The following ITFG1 variants were observed in gnomAD, a reference collection of about 807,000 sequenced individuals.
ITFG1 encodes integrin alpha FG-GAP repeat containing 1.
ITFG1 carries 34 observed loss-of-function variants against 81.8 expected under a neutral mutation model. The ratio of observed to expected loss-of-function variants is 0.42; its 90% CI spans 0.32 to 0.55. The LOEUF is 0.55. Among genes scored for constraint, ITFG1 ranks in the 20% least tolerant of loss-of-function variants. The pLI is 0.17. For synonymous variants in ITFG1, 285 were observed against 270.6 expected (o/e 1.05, Z -0.52); for missense variants, 672 against 755.4 (o/e 0.89, Z 1.29).
chr16:47,452,389 T>C (rs1385529550), intron 4 of ITFG1, among the ~76,000 whole-genome samples: 1 of 152,194 alleles, frequency 6.6e-6, no homozygotes, highest in Non-Finnish European at 1.5e-5. Flanking sequence ...CTCCTTAATA[T>C]AGGAATCTTT....
chr16:47,294,645 ATTTG>A (rs1966956225), intron 10 of ITFG1, among the ~76,000 whole-genome samples: 1 of 151,796 alleles, frequency 6.6e-6, no homozygotes, highest in African/African-American at 2.4e-5. Context: ...TGCCTTCTTG[ATTTG>A]TTTTTCAGCT....
At chr16:47,347,458 G>A (rs1199401615) in intron 8 of ITFG1, among the ~76,000 whole-genome samples, 2 of 152,262 alleles carry the variant, frequency 1.3e-5, no homozygotes, top group Admixed American at 6.5e-5. Flanking sequence ...TAGCGCAGCA[G>A]TCTGAGATCG....
At chr16:47,325,270 A>C (rs1047625538) in intron 8 of ITFG1, among the ~76,000 whole-genome samples, 1 of 152,246 alleles carries the variant, frequency 6.6e-6, no homozygotes, top group Non-Finnish European at 1.5e-5. Context: ...TGTTCTTTGA[A>C]ACCAATGAGA....
intron 10 of ITFG1, among the ~76,000 whole-genome samples, chr16:47,269,504 C>A (rs1326529971): frequency 3.7e-4 from 42 of 114,742 alleles, no homozygotes; most frequent in African/African-American, 5.1e-4. Flanking sequence ...AAAAAAAAAA[C>A]TTGAAAAAAA....
At chr16:47,309,315 G>A (rs966172217) in intron 10 of ITFG1, among the ~76,000 whole-genome samples, 5 of 151,776 alleles carry the variant, frequency 3.3e-5, no homozygotes, top group Non-Finnish European at 5.9e-5. Context: ...CATGATCCGC[G>A]TGCCTCGGCC....
At chr16:47,168,566 T>C (rs77151380) in intron 14 of ITFG1, among the ~76,000 whole-genome samples, 1 of 149,984 alleles carries the variant, frequency 6.7e-6, no homozygotes, top group African/African-American at 2.4e-5. Flanking sequence ...TTTTTTTTTT[T>C]TTCTAGAGAC....
At position 47,340,056 on chromosome 16, in the gene ITFG1, ATTTAAAACAC is replaced by A. The variant is rs531280893; in HGVS notation, c.802+25722_802+25731del. Among the ~76,000 whole-genome samples, 52 of 152,334 alleles carry A rather than the reference ATTTAAAACAC, an allele frequency of 3.4e-4. 1 individual carries two copies. Among genetic ancestry groups the A allele is most frequent in the African/African-American group, 1.2e-3 (49 of 41,592 alleles). On this transcript the variant is annotated intron_variant, in intron 8 of 17. Coordinates refer to ENST00000320640, the MANE Select transcript of ITFG1 (RefSeq NM_030790.5). ...AGGCCAGCAGGCAGTGGGATGATGT[ATTTAAAACAC>A]TCAAAGAAAAACAGTAAACCCAAAA...
intron 6 of ITFG1, among the ~76,000 whole-genome samples, chr16:47,382,884 T>C (rs1298388261): frequency 5.3e-5 from 8 of 152,200 alleles, no homozygotes; most frequent in Non-Finnish European, 1.2e-4. Context: ...ACTTTTATCA[T>C]AGGAATTTAT....
At chr16:47,164,759 G>T (rs1479336512) in intron 14 of ITFG1, among the ~76,000 whole-genome samples, 1 of 152,242 alleles carries the variant, frequency 6.6e-6, no homozygotes, top group Non-Finnish European at 1.5e-5. Flanking sequence ...CCAGGGAGCT[G>T]CTAGTTCAGA....
chr16:47,391,549 G>GT (rs1968531625), intron 6 of ITFG1, among the ~76,000 whole-genome samples: 1 of 152,098 alleles, frequency 6.6e-6, no homozygotes, highest in South Asian at 2.1e-4. Context: ...TCTCTGAGAC[G>GT]TTTTAAATTT....
At chr16:47,271,788 G>A (rs1201271414) in intron 10 of ITFG1, among the ~76,000 whole-genome samples, 2 of 152,162 alleles carry the variant, frequency 1.3e-5, no homozygotes, top group Non-Finnish European at 2.9e-5. Flanking sequence ...GAACCCGGGA[G>A]GCAGAGCTTG....
At chr16:47,293,571 T>C (rs117301691) in intron 10 of ITFG1, among the ~76,000 whole-genome samples, 3,664 of 152,208 alleles carry the variant, frequency 0.024, 61 homozygotes, top group Non-Finnish European at 0.04. Flanking sequence ...TGATGTCTCA[T>C]TGTGGTTTAG....
At position 47,452,794 on chromosome 16, in the gene ITFG1, CA is replaced by C. The variant is rs767954006; in HGVS notation, c.428-5del. 3 of 1,484,954 alleles carry C rather than the reference CA, an allele frequency of 2.0e-6. No individual in the cohort carries two copies. The highest frequency in any genetic ancestry group is 2.8e-6 in the Non-Finnish European group (3 of 1,083,910). 92.0% of individuals were successfully genotyped at this position (1,484,954 alleles called of 1,614,324 possible). On this transcript the variant is annotated splice_polypyrimidine_tract_variant and splice_region_variant and intron_variant, in intron 3 of 17. Transcript: ENST00000320640. ...AGTATGGTCATATTGTTAGGATCTGCAAAAAAGATATATATATATATGAATT... is the reference window on the plus strand; with the variant it reads ...AGTATGGTCATATTGTTAGGATCTGCAAAAAGATATATATATATATGAATT...
At chr16:47,431,741 T>C (rs906156566) in intron 5 of ITFG1, among the ~76,000 whole-genome samples, 17 of 152,200 alleles carry the variant, frequency 1.1e-4, no homozygotes, top group African/African-American at 3.6e-4. Flanking sequence ...GGAAAGCCCA[T>C]AGCACAAAGT....
chr16:47,213,693 ATC>A (rs1283227350), intron 14 of ITFG1, among the ~76,000 whole-genome samples: 9 of 152,172 alleles, frequency 5.9e-5, no homozygotes, highest in Admixed American at 5.9e-4. Flanking sequence ...GCTTCTATAA[ATC>A]CCAAAAGGAT....
chr16:47,355,246 T>C (rs1022733874), intron 8 of ITFG1, among the ~76,000 whole-genome samples: 9 of 152,124 alleles, frequency 5.9e-5, no homozygotes, highest in Admixed American at 5.2e-4. Flanking sequence ...TACGACAACA[T>C]GGATGAACCT....
At chr16:47,218,656 A>G (rs978100888) in intron 14 of ITFG1, 3 of 305,036 alleles carry the variant, frequency 9.8e-6, no homozygotes, top group Non-Finnish European at 1.8e-5. Context: ...TGGCTCCATC[A>G]TAATAGGGAT....
At chr16:47,446,273 A>G (rs888284743) in intron 5 of ITFG1, among the ~76,000 whole-genome samples, 2 of 152,182 alleles carry the variant, frequency 1.3e-5, no homozygotes, top group Admixed American at 6.5e-5. Context: ...CTAGAGAACA[A>G]AGTCACCCTG....
chr16:47,193,376 T>A (rs1330110010), intron 14 of ITFG1, among the ~76,000 whole-genome samples: 3 of 152,164 alleles, frequency 2.0e-5, no homozygotes, highest in Non-Finnish European at 4.4e-5. Flanking sequence ...TTTTCGTTTC[T>A]TCTGTTTCAA....
Sources: gnomAD v4.1 joint callset for allele counts (sites outside exome capture counted in the v4.1 genomes callset) on GRCh38, gnomAD v4.1.1 for gene constraint, MANE v1.5 for transcripts, NCBI Gene and HGNC (gene_info 2026-07-23, HGNC 2026-07-21) for gene names.